The following FANCD2 variants were observed in gnomAD, a reference collection of about 807,000 sequenced individuals.
FANCD2 encodes FA complementation group D2.
FANCD2 carries 131 observed loss-of-function variants against 192.3 expected under a neutral mutation model. The ratio of observed to expected loss-of-function variants is 0.68; its 90% CI spans 0.59 to 0.79. The LOEUF is 0.79. Among genes scored for constraint, FANCD2 ranks in the 30% least tolerant of loss-of-function variants. FANCD2 has a pLI of 0.00. For synonymous variants in FANCD2, 524 were observed against 612.5 expected (o/e 0.86, Z 2.13); for missense variants, 1,508 against 1,701.6 (o/e 0.89, Z 2.00).
At chr3:10,090,217 T>G (rs1694501790) in intron 36 of FANCD2, 75 bp from the exon 37 acceptor site, 2 of 1,057,298 alleles carry the variant, frequency 1.9e-6, no homozygotes, top group African/African-American at 1.6e-5. Context: ...AAGCTACTTT[T>G]GGTTCCTGGT....
chr3:10,091,194 C>T (rs371997090), intron 37 of FANCD2, among the ~76,000 whole-genome samples: 3 of 149,690 alleles, frequency 2.0e-5, no homozygotes, highest in African/African-American at 4.9e-5. Flanking sequence ...GATCCTCCCA[C>T]GTCAGCCTCC....
chr3:10,049,182 A>G (rs1220114472), intron 16 of FANCD2, among the ~76,000 whole-genome samples, 192 bp from the exon 17 acceptor site: 20 of 150,868 alleles, frequency 1.3e-4, no homozygotes, highest in Non-Finnish European at 4.4e-5. Flanking sequence ...TCAAGATGGG[A>G]TGGTCAAGTT....
rs1222024313 is a variant in FANCD2, at chr3:10,074,247, TCA to T, written c.2716-280_2716-279del. 2.0e-5 allele frequency among the ~76,000 whole-genome samples: 3 copies of T among 152,134 alleles called. No homozygotes were observed. The East Asian group carries it at 5.8e-4, about 29-fold the overall frequency. ...GCATGAACCACCACACCTGGCCAGC[TCA>T]CAGTTTTCTGTACTAGACCTAAATG... On this transcript the variant is annotated intron_variant, in intron 28 of 43. Coordinates refer to ENST00000675286, the MANE Select transcript of FANCD2 (RefSeq NM_001018115.3).
intron 7 of FANCD2, among the ~76,000 whole-genome samples, chr3:10,038,455 G>A (rs2086783939): frequency 1.3e-5 from 2 of 152,014 alleles, no homozygotes; most frequent in South Asian, 4.2e-4. Flanking sequence ...GAAGGAAGGT[G>A]GAAACTATCA....
intron 34 of FANCD2, among the ~76,000 whole-genome samples, chr3:10,087,711 G>A (rs544676880): frequency 3.6e-4 from 55 of 151,922 alleles, no homozygotes; most frequent in African/African-American, 1.2e-3. Context: ...GCAGTGGTGC[G>A]ATGTTGGCTC....
chr3:10,036,394 C>A, intron 7 of FANCD2, 55 bp downstream of exon 7: 1 of 1,303,476 alleles, frequency 7.7e-7, no homozygotes, highest in East Asian at 2.3e-5. Context: ...TAAGTTCTCT[C>A]TGAAAAGGTT....
intron 29 of FANCD2, among the ~76,000 whole-genome samples, chr3:10,077,294 C>G (rs953844552): frequency 6.6e-6 from 1 of 151,468 alleles, no homozygotes; most frequent in African/African-American, 2.4e-5. Context: ...CAGTGGCTCA[C>G]GCCTCTAATC....
Position 10,065,461 on chromosome 3 carries a change from A to G in FANCD2, c.2236A>G (p.Asn746Asp). 3 of 1,613,726 alleles carry G rather than the reference A, an allele frequency of 1.9e-6. No homozygotes were observed. Among genetic ancestry groups the G allele is most frequent in the Non-Finnish European group, 2.5e-6 (3 of 1,179,614 alleles). The change falls in exon 24 of 44, where the codon AAC (asparagine) becomes GAC (aspartate). Residue 746 changes from asparagine (N) to aspartate (D), a missense_variant. By Grantham distance (23) the Asn-to-Asp change is conservative. Transcript: ENST00000675286. ...LLRLCVERQH[N>D]GNLEEIDGLL... ...GAGACTTTGTGTGGAGAGACAGCAT[A>G]ACGGAAACTTGGAGGAGATTGATGG...
chr3:10,087,126 C>T lies in FANCD2; in HGVS notation c.3336-8C>T, dbSNP rs375557064. On this transcript the variant is annotated splice_polypyrimidine_tract_variant and splice_region_variant and intron_variant, in intron 33 of 43. Transcript: ENST00000675286. ...TTGCATTTGTTTGTTTTTCTTGTCT[C>T]CTTACAGCCAGAGCGTCCATTACTT... The T allele has an allele frequency of 9.3e-6, 15 of 1,613,838 alleles. No homozygotes were observed. Among genetic ancestry groups the T allele is most frequent in the African/African-American group, 1.3e-5 (1 of 74,906 alleles).
chr3:10,032,890 T>G lies in FANCD2; in HGVS notation c.123T>G (p.Val41=). The change falls in exon 3 of 44, where the codon GTT becomes GTG. Residue 41 remains valine, a synonymous_variant. Transcript: ENST00000675286. ...KTKKSHIANE[V]EENDSIFVKL... ...AGAAATCTCATATTGCTAATGAAGT[T>G]GAAGAAAATGACAGCATCTTTGTAA... 1.2e-6 allele frequency: 2 copies of G among 1,609,694 alleles called. No homozygotes were observed. Among genetic ancestry groups the G allele is most frequent in the Non-Finnish European group, 1.7e-6 (2 of 1,176,154 alleles).
Position 10,101,193 on chromosome 3 carries a change from T to G in FANCD2, c.4287T>G (p.Gly1429=), listed in dbSNP as rs1261579357. ...ATTTATTCTTTGCCCCTTAGGATGG[T>G]GAAGAAGACGAAGTAAGTGCTGGAG... The part of the protein sequence containing the change: ...QASKSKATED[G]EEDEVSAGEK... Residue 1429 remains glycine (G), a synonymous_variant, in exon 44 of 44, where the codon GGT becomes GGG. Transcript: ENST00000675286. 14 of 1,612,296 alleles carry G rather than the reference T, an allele frequency of 8.7e-6. No homozygotes were observed. The highest frequency in any genetic ancestry group is 1.2e-5 in the Non-Finnish European group (14 of 1,178,548).
chr3:10,079,341 G>A (rs1191505614), intron 30 of FANCD2, among the ~76,000 whole-genome samples: 2 of 152,142 alleles, frequency 1.3e-5, no homozygotes, highest in Non-Finnish European at 2.9e-5. Context: ...GTCTCGCTGT[G>A]TCTCCCAGGC....
intron 32 of FANCD2, among the ~76,000 whole-genome samples, chr3:10,084,290 C>CA (rs1553613951): frequency 7.0e-6 from 1 of 142,862 alleles, no homozygotes; most frequent in Non-Finnish European, 1.5e-5. Context: ...CTACACCTGG[C>CA]TTTTTTTTTT....
chr3:10,067,808 CAAAA>C (rs527312227), intron 26 of FANCD2, among the ~76,000 whole-genome samples: 3 of 152,156 alleles, frequency 2.0e-5, no homozygotes, highest in South Asian at 2.1e-4. Flanking sequence ...CAAAAACAAA[CAAAA>C]GAAAGATTAT....
rs768087156 is a variant in FANCD2, at chr3:10,094,361, C to T, written c.3961C>T (p.Arg1321Trp). The T allele has an allele frequency of 5.0e-6, 8 of 1,612,130 alleles. No individual in the cohort carries two copies. In the Admixed American group the frequency reaches 6.7e-5, roughly 13 times the overall value. The part of the protein sequence containing the change: ...PLLDFSFRKH[R>W]EDVLSLLETF... ...CCTAGACTTCAGTTTTAGAAAACACCGGGTAAGAGCTAAGAGCAGAGAACA... is the reference window on the plus strand; with the variant it reads ...CCTAGACTTCAGTTTTAGAAAACACTGGGTAAGAGCTAAGAGCAGAGAACA... The change falls in exon 40 of 44, where the codon CGG (arginine) becomes TGG (tryptophan). Residue 1321 changes from arginine to tryptophan, a missense_variant and splice_region_variant. Coordinates refer to ENST00000675286, the MANE Select transcript of FANCD2 (RefSeq NM_001018115.3).
chr3:10,052,418 C>G lies in FANCD2; in HGVS notation c.1577C>G (p.Pro526Arg), dbSNP rs1221342722. 6.2e-7 allele frequency: 1 copy of G among 1,613,194 alleles called. No individual in the cohort carries two copies. Among genetic ancestry groups the G allele is most frequent in the Non-Finnish European group, 8.5e-7 (1 of 1,179,530 alleles). Residue 526 changes from proline to arginine, a missense_variant, in exon 18 of 44, where the codon CCT (proline) becomes CGT (arginine). Pro to Arg is a moderately radical substitution (Grantham distance 103, BLOSUM62 -2). Transcript: ENST00000675286. ...TTAGATTATCTGGATAACATATCCCCTCAGCAAATACGAAAACTCTTCTAT... is the reference window on the plus strand; with the variant it reads ...TTAGATTATCTGGATAACATATCCCGTCAGCAAATACGAAAACTCTTCTAT... ...GILDYLDNIS[P>R]QQIRKLFYVL...
At chr3:10,058,945 C>G (rs1295447174) in intron 18 of FANCD2, among the ~76,000 whole-genome samples, 1 of 152,156 alleles carries the variant, frequency 6.6e-6, no homozygotes, top group African/African-American at 2.4e-5. Flanking sequence ...TAAGTGTCTT[C>G]CAATCCATGA....
At chr3:10,051,616 TA>T (rs925826807) in intron 17 of FANCD2, among the ~76,000 whole-genome samples, 1 of 151,938 alleles carries the variant, frequency 6.6e-6, no homozygotes, top group Non-Finnish European at 1.5e-5. Context: ...GAGGAGAGAA[TA>T]AAAAAAGTAG....
At chr3:10,031,328 C>T (rs1241171035) in intron 2 of FANCD2, among the ~76,000 whole-genome samples, 3 of 151,922 alleles carry the variant, frequency 2.0e-5, no homozygotes, top group Non-Finnish European at 2.9e-5. Flanking sequence ...ATGGTGAAAC[C>T]CCGTCTCTAC....
Sources: gnomAD v4.1 joint callset for allele counts (sites outside exome capture counted in the v4.1 genomes callset) on GRCh38, gnomAD v4.1.1 for gene constraint, MANE v1.5 for transcripts, NCBI Gene and HGNC (gene_info 2026-07-23, HGNC 2026-07-21) for gene names.